GLIS3: variants seen among roughly 807,000 people sequenced by gnomAD.
The protein encoded by GLIS3 is zinc finger protein GLIS3.
Under a neutral mutation model 78.6 loss-of-function variants are expected in GLIS3, and 53 were observed. The observed-to-expected ratio is 0.67, with a 90% CI of 0.54 to 0.85. The LOEUF (loss-of-function observed/expected upper bound fraction) is 0.85. GLIS3 is among the 40% of genes least tolerant of loss of function. The pLI is 0.00. For missense variants in GLIS3, 1,703 were observed against 1,231.1 expected (o/e 1.38, Z -5.74); for synonymous variants, 684 against 509.9 (o/e 1.34, Z -4.60).
At chr9:4,455,840 T>A in the GLIS3 span, among the ~76,000 whole-genome samples, 3 of 152,160 alleles carry the variant, frequency 2.0e-5, no homozygotes, top group Non-Finnish European at 4.4e-5. Context: ...AGGCCGGGTG[T>A]GGTGGCTCAC....
intron 4 of GLIS3, among the ~76,000 whole-genome samples, chr9:3,962,876 C>G (rs1817663215): frequency 6.7e-6 from 1 of 149,958 alleles, no homozygotes. Context: ...CCTGAATTGG[C>G]AGCCAAGATC....
intron 4 of GLIS3, among the ~76,000 whole-genome samples, chr9:4,307,322 A>G (rs1817251850): frequency 1.3e-5 from 2 of 152,176 alleles, no homozygotes; most frequent in African/African-American, 4.8e-5. Context: ...AAATTTAAGA[A>G]CAAGATCTAT....
At chr9:3,849,908 C>CA (rs574534035) in intron 9 of GLIS3, among the ~76,000 whole-genome samples, 2,130 of 138,490 alleles carry the variant, frequency 0.015, 19 homozygotes, top group Non-Finnish European at 0.023. Flanking sequence ...GACTCCATCT[C>CA]AAAAAAAAAA....
chr9:4,436,534 G>T, the GLIS3 span, among the ~76,000 whole-genome samples: 3 of 152,058 alleles, frequency 2.0e-5, no homozygotes, highest in Non-Finnish European at 4.4e-5. Context: ...GACTGGGCTG[G>T]GTGGCTCAGC....
chr9:4,110,318 C>T (rs952737141), intron 4 of GLIS3, among the ~76,000 whole-genome samples: 12 of 152,266 alleles, frequency 7.9e-5, no homozygotes, highest in African/African-American at 2.6e-4. Context: ...AATTGTAGAG[C>T]ATTAGGGTAT....
chr9:3,873,190 T>C (rs1821075989), intron 8 of GLIS3, among the ~76,000 whole-genome samples: 1 of 152,130 alleles, frequency 6.6e-6, no homozygotes, highest in Non-Finnish European at 1.5e-5. Context: ...TGGAAACTAT[T>C]CCAAAAAATT....
At chr9:4,297,460 A>T (rs376360011) in intron 1 of GLIS3, among the ~76,000 whole-genome samples, 27 of 152,188 alleles carry the variant, frequency 1.8e-4, no homozygotes, top group African/African-American at 6.3e-4. Flanking sequence ...TACTAAAGGG[A>T]CCTGGTCCAC....
intron 2 of GLIS3, among the ~76,000 whole-genome samples, chr9:4,279,618 C>T (rs1563887906): frequency 6.6e-6 from 1 of 151,784 alleles, no homozygotes; most frequent in Non-Finnish European, 1.5e-5. Context: ...CATCAAGTTT[C>T]ATGTTTATTT....
chr9:4,181,909 T>C (rs1586900814), intron 2 of GLIS3, among the ~76,000 whole-genome samples: 2 of 152,300 alleles, frequency 1.3e-5, no homozygotes, highest in Middle Eastern at 6.8e-3. Flanking sequence ...CCAACCGAGT[T>C]AGCCCAGACC....
chr9:4,291,756 G>C (rs1247219119), intron 1 of GLIS3, among the ~76,000 whole-genome samples: 1 of 152,122 alleles, frequency 6.6e-6, no homozygotes, highest in Non-Finnish European at 1.5e-5. Flanking sequence ...GCAAATTCAG[G>C]ACCTTCAGGA....
At chr9:4,039,354 T>C (rs1302895527) in intron 4 of GLIS3, among the ~76,000 whole-genome samples, 1 of 152,152 alleles carries the variant, frequency 6.6e-6, no homozygotes, top group Admixed American at 6.5e-5. Flanking sequence ...AATAGCAAAA[T>C]AGAGAAGCCA....
the GLIS3 span, among the ~76,000 whole-genome samples, chr9:4,444,855 A>G: frequency 6.6e-6 from 1 of 152,220 alleles, no homozygotes; most frequent in Non-Finnish European, 1.5e-5. Flanking sequence ...AAATTGTCTG[A>G]AAAGAGGTAA....
the GLIS3 span, among the ~76,000 whole-genome samples, chr9:4,377,200 G>C: frequency 1.0e-4 from 14 of 135,056 alleles, 5 homozygotes; most frequent in Non-Finnish European, 1.3e-4. Context: ...GACTGGTAGA[G>C]GAAGACCCAT....
At chr9:3,894,266 G>A (rs988932590) in intron 7 of GLIS3, among the ~76,000 whole-genome samples, 6 of 152,116 alleles carry the variant, frequency 3.9e-5, no homozygotes, top group African/African-American at 1.4e-4. Context: ...TAGTTACGTT[G>A]TTTAATCTTC....
chr9:4,300,491 G>A (rs868721092), upstream of GLIS3, among the ~76,000 whole-genome samples: 42 of 152,138 alleles, frequency 2.8e-4, no homozygotes, highest in Middle Eastern at 3.2e-3. Flanking sequence ...CGGATCGGAT[G>A]CACATGACAG....
chr9:4,431,279 G>C, the GLIS3 span, among the ~76,000 whole-genome samples: 1 of 152,200 alleles, frequency 6.6e-6, no homozygotes, highest in Admixed American at 6.5e-5. Context: ...ATGGAAAGAG[G>C]AATTGTTTGG....
At chr9:4,339,745 G>A (rs1214136031) in intron 2 of GLIS3, among the ~76,000 whole-genome samples, 5 of 81,350 alleles carry the variant, frequency 6.1e-5, no homozygotes, top group South Asian at 5.4e-4. Flanking sequence ...TACAAAAGAA[G>A]CTTCTCACTG....
At chr9:4,373,482 G>C in the GLIS3 span, among the ~76,000 whole-genome samples, 1 of 152,072 alleles carries the variant, frequency 6.6e-6, no homozygotes, top group African/African-American at 2.4e-5. Context: ...AACTGCTCTG[G>C]GGGGAAAAAC....
intron 2 of GLIS3, among the ~76,000 whole-genome samples, chr9:4,274,379 G>T (rs765626950): frequency 6.6e-6 from 1 of 152,142 alleles, no homozygotes; most frequent in African/African-American, 2.4e-5. Context: ...ACTTAACATT[G>T]ATTGGGTTCC....
Sources: gnomAD v4.1 joint callset for allele counts (sites outside exome capture counted in the v4.1 genomes callset) on GRCh38, gnomAD v4.1.1 for gene constraint, MANE v1.5 for transcripts, NCBI Gene and HGNC (gene_info 2026-07-23, HGNC 2026-07-21) for gene names.